The following ROBO2 variants were observed in gnomAD, a reference collection of about 807,000 sequenced individuals.
ROBO2 encodes the protein roundabout guidance receptor 2, also known as roundabout homolog 2.
Under a neutral mutation model 160.8 loss-of-function variants are expected in ROBO2, and 53 were observed. The observed-to-expected ratio is 0.33, with a 90% CI of 0.26 to 0.41. The LOEUF (loss-of-function observed/expected upper bound fraction) is 0.41, where lower values mean the gene tolerates loss of function less well. ROBO2 is among the 10% of genes least tolerant of loss of function. The pLI, the probability that ROBO2 is intolerant of heterozygous loss-of-function variation, is 1.00. For synonymous variants in ROBO2, 664 were observed against 611.7 expected, an observed-to-expected ratio of 1.09 and a Z score of -1.26; for missense variants, 1,577 against 1,722.4, an observed-to-expected ratio of 0.92 and a Z score of 1.49.
At chr3:76,179,050 TATC>T (rs771110688) in intron 2 of ROBO2, among the ~76,000 whole-genome samples, 3 of 152,186 alleles carry the variant, frequency 2.0e-5, no homozygotes, top group African/African-American at 4.8e-5. Context: ...AAGTTATTAA[TATC>T]ATTATTTGCA....
chr3:76,276,457 T>C (rs1707927445), intron 2 of ROBO2, among the ~76,000 whole-genome samples: 1 of 152,066 alleles, frequency 6.6e-6, no homozygotes, highest in Admixed American at 6.6e-5. Flanking sequence ...TTCATTAATA[T>C]AGAACTTCTA....
rs76174714 is a variant in ROBO2, at chr3:76,544,841, C to T, written c.110-553173C>T. Among the ~76,000 whole-genome samples the T allele has an allele frequency of 3.7e-3, 566 of 152,074 alleles. 6 individuals carry two copies. Among genetic ancestry groups the T allele is most frequent in the African/African-American group, 0.013 (544 of 41,532 alleles). On this transcript the variant is annotated intron_variant, in intron 2 of 26. Coordinates refer to the ROBO2 transcript ENST00000487694. ...AAAAGTGGCTGATAAACAGTAGTAA[C>T]CCAATAACCATGGGGTACTTAATTA...
chr3:77,397,784 A>G (rs1255242402), intron 2 of ROBO2, among the ~76,000 whole-genome samples: 2 of 152,096 alleles, frequency 1.3e-5, no homozygotes, highest in Admixed American at 6.6e-5. Flanking sequence ...CTTAGTGCAA[A>G]CTATATAATT....
chr3:76,456,228 C>T (rs2077743767), intron 2 of ROBO2, among the ~76,000 whole-genome samples: 1 of 152,140 alleles, frequency 6.6e-6, no homozygotes, highest in Non-Finnish European at 1.5e-5. Flanking sequence ...ATGAATGTTG[C>T]AACTGCAAAG....
chr3:76,203,152 T>TC (rs1275538222), intron 2 of ROBO2, among the ~76,000 whole-genome samples: 2 of 148,712 alleles, frequency 1.3e-5, no homozygotes, highest in Admixed American at 6.7e-5. Context: ...GTCTTTCAAA[T>TC]CCCCCCCAGA....
At chr3:75,953,994 C>T (rs1170398816) in intron 2 of ROBO2, among the ~76,000 whole-genome samples, 1 of 151,736 alleles carries the variant, frequency 6.6e-6, no homozygotes, top group Non-Finnish European at 1.5e-5. Context: ...GCTGTTTCTC[C>T]AGTATGGTCA....
chr3:76,813,186 T>G (rs1051421548), intron 2 of ROBO2, among the ~76,000 whole-genome samples: 2 of 152,024 alleles, frequency 1.3e-5, no homozygotes, highest in African/African-American at 4.8e-5. Flanking sequence ...TATTTACATA[T>G]GCAAGACTAA....
In ROBO2 at chr3:76,512,249, A is replaced by G. The variant is rs1380150494; in HGVS notation, c.109+574647A>G. On this transcript the variant is annotated intron_variant, in intron 2 of 26. Transcript: ENST00000487694. ...TTGATGTTTCCTTAAATATATATATATGGAACTTACTAATTTACTTATATA... is the reference window on the plus strand; with the variant it reads ...TTGATGTTTCCTTAAATATATATATGTGGAACTTACTAATTTACTTATATA... 2.0e-5 allele frequency among the ~76,000 whole-genome samples: 3 copies of G among 150,448 alleles called. No individual in the cohort carries two copies. The East Asian group carries it at 5.8e-4, about 29-fold the overall frequency.
rs187433580 is a variant in ROBO2 at position 77,310,950 on chromosome 3, A to G, written c.389-166464A>G. Among the ~76,000 whole-genome samples, 12 of 152,242 alleles carry G rather than the reference A, an allele frequency of 7.9e-5. 1 individual carries two copies. In the South Asian group the frequency reaches 2.3e-3, roughly 29 times the overall value. ...AGAGGCTAATGTAATATGAGCACTC[A>G]TGAGTAATCAGATGTCTTCTGATGA... On this transcript the variant is annotated intron_variant, in intron 2 of 25. Coordinates refer to ENST00000461745, the Ensembl canonical transcript of ROBO2.
chr3:76,715,026 T>C (rs2093357183), intron 2 of ROBO2, among the ~76,000 whole-genome samples: 1 of 152,160 alleles, frequency 6.6e-6, no homozygotes, highest in Non-Finnish European at 1.5e-5. Flanking sequence ...TTTAAGCTTT[T>C]GATCTATTTA....
intron 2 of ROBO2, among the ~76,000 whole-genome samples, chr3:77,355,100 CTTTATGA>C (rs2068881598): frequency 1.8e-5 from 2 of 109,576 alleles, no homozygotes; most frequent in Non-Finnish European, 4.3e-5. Flanking sequence ...TATCACATAC[CTTTATGA>C]TCAACCCTTC....
At chr3:76,347,458 ATATT>A (rs1338750920) in intron 2 of ROBO2, among the ~76,000 whole-genome samples, 2 of 152,086 alleles carry the variant, frequency 1.3e-5, no homozygotes, top group Non-Finnish European at 2.9e-5. Context: ...CAGAAGGTAT[ATATT>A]TAAGTGTTGC....
At chr3:77,222,078 C>T (rs999396487) in intron 2 of ROBO2, among the ~76,000 whole-genome samples, 12 of 151,998 alleles carry the variant, frequency 7.9e-5, no homozygotes, top group African/African-American at 2.9e-4. Context: ...CTCTCGATCT[C>T]TTGACCTTGT....
intron 2 of ROBO2, among the ~76,000 whole-genome samples, chr3:76,429,774 T>C (rs917651545): frequency 6.6e-6 from 1 of 152,152 alleles, no homozygotes; most frequent in Admixed American, 6.6e-5. Flanking sequence ...AGGGGGCACA[T>C]TTATTTTCTT....
chr3:77,309,623 C>G (rs1049392575), intron 2 of ROBO2, among the ~76,000 whole-genome samples: 18 of 152,318 alleles, frequency 1.2e-4, no homozygotes, highest in Admixed American at 9.2e-4. Context: ...GAGCTTGGCT[C>G]TCAAATTCAT....
chr3:76,648,973 T>C (rs527711920), intron 2 of ROBO2, among the ~76,000 whole-genome samples: 2 of 152,244 alleles, frequency 1.3e-5, no homozygotes, highest in African/African-American at 4.8e-5. Context: ...TTATGCTGCC[T>C]CTAAGTCAAA....
chr3:77,569,042 T>C (rs1278712646), intron 13 of ROBO2, among the ~76,000 whole-genome samples: 19 of 152,060 alleles, frequency 1.2e-4, no homozygotes, highest in Non-Finnish European at 1.5e-5. Flanking sequence ...TCACATTCTG[T>C]TTATTCCTTC....
chr3:76,655,260 T>A (rs1317250873), intron 2 of ROBO2, among the ~76,000 whole-genome samples: 1 of 150,346 alleles, frequency 6.7e-6, no homozygotes, highest in African/African-American at 2.4e-5. Context: ...CCATAAAATA[T>A]TATATAGCCT....
intron 2 of ROBO2, among the ~76,000 whole-genome samples, chr3:76,885,451 G>A (rs2073779884): frequency 6.6e-6 from 1 of 152,084 alleles, no homozygotes; most frequent in Non-Finnish European, 1.5e-5. Context: ...CAAATATCAA[G>A]CCGTACAAAA....
Sources: allele counts gnomAD v4.1 joint callset (sites outside exome capture counted in the v4.1 genomes callset), GRCh38; gene constraint gnomAD v4.1.1; transcripts MANE v1.5; gene names NCBI Gene and HGNC (gene_info 2026-07-23, HGNC 2026-07-21).